The following SLC49A4 variants were observed in gnomAD, a reference collection of about 807,000 sequenced individuals.
SLC49A4 encodes disrupted in renal cancer protein 2.
A neutral mutation model predicts 50.6 loss-of-function variants in SLC49A4; 36 were observed. That is an observed-to-expected ratio of 0.71 (90% CI 0.55 to 0.94). The LOEUF is 0.94. Among genes scored for constraint, SLC49A4 ranks in the 40% least tolerant of loss-of-function variants. The pLI is 0.00. For synonymous variants in SLC49A4, 248 were observed against 241.2 expected (o/e 1.03, Z -0.26); for missense variants, 503 against 605.7 (o/e 0.83, Z 1.78).
rs1207092585 is a variant in SLC49A4 at position 122,881,108 on chromosome 3, A to G, written c.*1730A>G. ...AGACTTAGTTCCAGTTAATTCTGTTATTCTTCTGAAATAAAAATGAAATAA... is the reference window on the plus strand; with the variant it reads ...AGACTTAGTTCCAGTTAATTCTGTTGTTCTTCTGAAATAAAAATGAAATAA... On this transcript the variant is annotated 3_prime_UTR_variant, in exon 9 of 9. Transcript: ENST00000261038. 1.3e-5 allele frequency: 2 copies of G among 152,028 alleles called. No homozygotes were observed. The highest frequency in any genetic ancestry group is 2.9e-5 in the Non-Finnish European group (2 of 67,990). The allele number at this position is 152,028 out of a possible 1,614,324, so 9.4% of individuals were successfully genotyped here.
intron 7 of SLC49A4, among the ~76,000 whole-genome samples, chr3:122,862,586 AAC>A (rs1403913930): frequency 6.6e-6 from 1 of 152,210 alleles, no homozygotes; most frequent in Non-Finnish European, 1.5e-5. Context: ...ATTCTGGTGG[AAC>A]AGTCTTAGTT....
At chr3:122,842,303 G>T (rs1040765927) in intron 4 of SLC49A4, among the ~76,000 whole-genome samples, 3 of 151,728 alleles carry the variant, frequency 2.0e-5, no homozygotes, top group African/African-American at 7.3e-5. Flanking sequence ...TGGCTAACAC[G>T]GTGAAACCCC....
At chr3:122,816,856 G>T (rs1197725413) in intron 2 of SLC49A4, among the ~76,000 whole-genome samples, 1 of 152,136 alleles carries the variant, frequency 6.6e-6, no homozygotes, top group Non-Finnish European at 1.5e-5. Flanking sequence ...TGACCTTGAG[G>T]TCCCCCTGCT....
At chr3:122,863,205 C>A (rs1937077944) in intron 7 of SLC49A4, among the ~76,000 whole-genome samples, 1 of 152,170 alleles carries the variant, frequency 6.6e-6, no homozygotes, top group Admixed American at 6.5e-5. Flanking sequence ...TGTCCACATT[C>A]CTTCTCTGAA....
chr3:122,795,745 T>C (rs1286316020), intron 1 of SLC49A4, among the ~76,000 whole-genome samples: 1 of 152,228 alleles, frequency 6.6e-6, no homozygotes, highest in Non-Finnish European at 1.5e-5. Context: ...ATTTATGTTT[T>C]TTATCAAGGC....
intron 2 of SLC49A4, among the ~76,000 whole-genome samples, chr3:122,817,771 TTTTTG>T: frequency 7.4e-6 from 1 of 135,904 alleles, no homozygotes; most frequent in African/African-American, 2.7e-5. Context: ...TTTTTTTTTT[TTTTTG>T]TAGAGACAGG....
intron 4 of SLC49A4, among the ~76,000 whole-genome samples, chr3:122,845,042 T>G (rs1242036780): frequency 6.6e-6 from 1 of 152,078 alleles, no homozygotes; most frequent in Non-Finnish European, 1.5e-5. Flanking sequence ...GGGGGTTTGG[T>G]GTACAGATTG....
chr3:122,845,614 T>TG, intron 4 of SLC49A4, 149 bp from the exon 5 acceptor site: 6 of 386,666 alleles, frequency 1.6e-5, no homozygotes, highest in African/African-American at 1.1e-4. Flanking sequence ...CACGTTTTTT[T>TG]TTTTTTTTTT....
intron 7 of SLC49A4, among the ~76,000 whole-genome samples, chr3:122,870,069 A>G (rs1427222933): frequency 1.3e-5 from 2 of 152,124 alleles, no homozygotes; most frequent in African/African-American, 2.4e-5. Context: ...ATTATTTTTC[A>G]ATTATTACAT....
intron 6 of SLC49A4, 131 bp downstream of exon 6, chr3:122,856,505 G>A (rs776091461): frequency 2.1e-5 from 17 of 817,610 alleles, no homozygotes; most frequent in Non-Finnish European, 3.4e-5. Flanking sequence ...AGGGGTACTT[G>A]TTCAGAGTAC....
At chr3:122,810,067 C>T (rs1255823690) in intron 2 of SLC49A4, among the ~76,000 whole-genome samples, 1 of 152,168 alleles carries the variant, frequency 6.6e-6, no homozygotes, top group African/African-American at 2.4e-5. Context: ...CAAGCATTTA[C>T]AAGTCTGTGT....
At chr3:122,820,455 A>G (rs1160290547) in intron 2 of SLC49A4, among the ~76,000 whole-genome samples, 2 of 152,234 alleles carry the variant, frequency 1.3e-5, no homozygotes, top group African/African-American at 2.4e-5. Context: ...ATTCTAAAAC[A>G]TCATATTATT....
chr3:122,859,034 T>C (rs143825984), intron 6 of SLC49A4, among the ~76,000 whole-genome samples: 1 of 152,302 alleles, frequency 6.6e-6, no homozygotes, highest in East Asian at 1.9e-4. Context: ...AAGTTTACAA[T>C]CTGGTAGGGA....
chr3:122,859,296 G>A (rs1937028291), intron 6 of SLC49A4, among the ~76,000 whole-genome samples: 2 of 152,154 alleles, frequency 1.3e-5, no homozygotes, highest in Admixed American at 6.5e-5. Context: ...GCATGTATGA[G>A]AAACAGAAAC....
intron 5 of SLC49A4, among the ~76,000 whole-genome samples, chr3:122,848,314 G>A (rs1000898917): frequency 6.6e-6 from 1 of 151,976 alleles, no homozygotes; most frequent in East Asian, 1.9e-4. Flanking sequence ...ATACACTGGT[G>A]TATTTCTAGA....
intron 5 of SLC49A4, among the ~76,000 whole-genome samples, chr3:122,854,763 A>G (rs1222959440): frequency 6.6e-6 from 1 of 152,204 alleles, no homozygotes; most frequent in Non-Finnish European, 1.5e-5. Context: ...CGTTTGGTGG[A>G]CAGCTGGCAA....
chr3:122,845,119 C>G (rs1002586547), intron 4 of SLC49A4, among the ~76,000 whole-genome samples: 1 of 152,046 alleles, frequency 6.6e-6, no homozygotes, highest in African/African-American at 2.4e-5. Context: ...CTCCTCCCAC[C>G]CTGCACCCTC....
chr3:122,799,042 C>T (rs1206514568), intron 1 of SLC49A4, among the ~76,000 whole-genome samples: 1 of 152,002 alleles, frequency 6.6e-6, no homozygotes, highest in Non-Finnish European at 1.5e-5. Context: ...AAGGACTAGC[C>T]AGAGAGGTAG....
intron 4 of SLC49A4, among the ~76,000 whole-genome samples, chr3:122,841,784 G>A (rs1223735982): frequency 2.0e-5 from 3 of 152,158 alleles, no homozygotes; most frequent in Non-Finnish European, 4.4e-5. Context: ...TTCATCACAT[G>A]TAATAAGGAT....
Sources: gnomAD v4.1 joint callset for allele counts (sites outside exome capture counted in the v4.1 genomes callset) on GRCh38, gnomAD v4.1.1 for gene constraint, MANE v1.5 for transcripts, NCBI Gene and HGNC (gene_info 2026-07-23, HGNC 2026-07-21) for gene names.